PTGR3: variants seen among roughly 807,000 people sequenced by gnomAD.
PTGR3 encodes the protein prostaglandin reductase 3.
chr18:75,201,764 C>G, the PTGR3 span: 6 of 1,614,232 alleles, frequency 3.7e-6, no homozygotes, highest in Non-Finnish European at 4.2e-6. Context: ...AGCGCCCTTT[C>G]GTAGCCAGGG....
At chr18:75,208,765 C>G in the PTGR3 span, 1 of 1,204,864 alleles carries the variant, frequency 8.3e-7, no homozygotes, top group Non-Finnish European at 1.0e-6. Context: ...GGCACGCGGG[C>G]GGGCTGGGGA....
At chr18:75,202,806 T>C in the PTGR3 span, among the ~76,000 whole-genome samples, 1 of 152,186 alleles carries the variant, frequency 6.6e-6, no homozygotes, top group South Asian at 2.1e-4. Context: ...ATAAAATATA[T>C]TCAAAGAAGT....
chr18:75,201,923 CTT>C, the PTGR3 span: 1 of 1,614,194 alleles, frequency 6.2e-7, no homozygotes, highest in Non-Finnish European at 8.5e-7. Flanking sequence ...GAAAAGCAGA[CTT>C]TTCATCAGAA....
chr18:75,196,718 T>C, the PTGR3 span: 1 of 150,602 alleles, frequency 6.6e-6, no homozygotes, highest in Non-Finnish European at 1.5e-5. Context: ...TTCTCCAAAC[T>C]GTGCTCCCCG....
the PTGR3 span, among the ~76,000 whole-genome samples, chr18:75,204,146 G>A: frequency 2.6e-5 from 4 of 152,244 alleles, no homozygotes; most frequent in Non-Finnish European, 5.9e-5. Context: ...CCTCTGCAGG[G>A]AGACCCCGCC....
At chr18:75,208,774 G>C in the PTGR3 span, 11 of 1,279,074 alleles carry the variant, frequency 8.6e-6, no homozygotes, top group Non-Finnish European at 1.1e-5. Context: ...GCGGGCTGGG[G>C]ACTGCGGGAG....
the PTGR3 span, among the ~76,000 whole-genome samples, chr18:75,204,785 G>T: frequency 2.0e-5 from 3 of 152,078 alleles, no homozygotes; most frequent in African/African-American, 7.2e-5. Context: ...CCCGGCAGGC[G>T]CGCCCAGTCC....
At chr18:75,207,214 C>G in the PTGR3 span, among the ~76,000 whole-genome samples, 1 of 152,232 alleles carries the variant, frequency 6.6e-6, no homozygotes, top group Non-Finnish European at 1.5e-5. Context: ...CTTCCTCGCT[C>G]AGTCGCCTCC....
the PTGR3 span, chr18:75,202,478 T>C: frequency 1.5e-6 from 1 of 682,520 alleles, no homozygotes; most frequent in South Asian, 2.1e-5. Flanking sequence ...TTTGAGAAAA[T>C]TAGTCCTGCT....
chr18:75,208,589 G>T, the PTGR3 span: 1 of 978,904 alleles, frequency 1.0e-6, no homozygotes, highest in Non-Finnish European at 1.3e-6. Context: ...AGGAGGGGAG[G>T]GGAATCCCAA....
At chr18:75,198,979 A>C in the PTGR3 span, 6 of 152,584 alleles carry the variant, frequency 3.9e-5, no homozygotes, top group Non-Finnish European at 8.8e-5. Context: ...TCAATTTACA[A>C]ATCATTTTTC....
At chr18:75,200,165 T>A in the PTGR3 span, 1 of 152,026 alleles carries the variant, frequency 6.6e-6, no homozygotes, top group Admixed American at 6.6e-5. Flanking sequence ...AACGGGCCCA[T>A]GGGGTTTCAG....
chr18:75,204,355 G>C, the PTGR3 span, among the ~76,000 whole-genome samples: 1 of 152,362 alleles, frequency 6.6e-6, no homozygotes, highest in Admixed American at 6.5e-5. Context: ...GCGCGCACAC[G>C]CGCTGGACCG....
At chr18:75,200,945 G>C in the PTGR3 span, 1 of 153,218 alleles carries the variant, frequency 6.5e-6, no homozygotes, top group Non-Finnish European at 1.5e-5. Context: ...CATTTCCTGA[G>C]GATATAGATT....
chr18:75,198,835 A>G, the PTGR3 span: 1 of 152,438 alleles, frequency 6.6e-6, no homozygotes, highest in African/African-American at 2.4e-5. Context: ...GCCCTGAATT[A>G]TGGATGTACT....
At chr18:75,205,549 A>T in the PTGR3 span, 25 of 928,272 alleles carry the variant, frequency 2.7e-5, no homozygotes, top group Non-Finnish European at 3.2e-5. Flanking sequence ...ATATGTACTT[A>T]AAAAGTGCTA....
chr18:75,208,773 G>C, the PTGR3 span: 1 of 1,278,062 alleles, frequency 7.8e-7, no homozygotes, highest in Non-Finnish European at 1.0e-6. Flanking sequence ...GGCGGGCTGG[G>C]GACTGCGGGA....
At chr18:75,208,775 A>G in the PTGR3 span, 3 of 1,277,160 alleles carry the variant, frequency 2.3e-6, no homozygotes, top group Non-Finnish European at 3.0e-6. Flanking sequence ...CGGGCTGGGG[A>G]CTGCGGGAGC....
the PTGR3 span, among the ~76,000 whole-genome samples, chr18:75,206,925 C>T: frequency 6.6e-6 from 1 of 152,216 alleles, no homozygotes. Flanking sequence ...TGACCCAGGG[C>T]AGGCAGTGCC....
Sources: allele counts gnomAD v4.1 joint callset (sites outside exome capture counted in the v4.1 genomes callset), GRCh38; gene constraint gnomAD v4.1.1; transcripts MANE v1.5; gene names NCBI Gene and HGNC (gene_info 2026-07-23, HGNC 2026-07-21).